The following IL15RA variants were observed in gnomAD, a reference collection of about 807,000 sequenced individuals.
IL15RA encodes the protein interleukin 15 receptor subunit alpha.
A neutral mutation model predicts 24.2 loss-of-function variants in IL15RA; 26 were observed. That is an observed-to-expected ratio of 1.07 (90% CI 0.79 to 1.49). The LOEUF (loss-of-function observed/expected upper bound fraction) is 1.49, where lower values mean the gene tolerates loss of function less well. Among genes scored for constraint, IL15RA ranks in the 40% most tolerant of loss-of-function variants. IL15RA has a pLI of 0.00. For missense variants in IL15RA, 354 were observed against 356.4 expected, an observed-to-expected ratio of 0.99 and a Z score of 0.05; for synonymous variants, 166 against 157.6, an observed-to-expected ratio of 1.05 and a Z score of -0.40.
At position 5,975,397 on chromosome 10, in the gene IL15RA, G is replaced by A. The variant is rs556765893; in HGVS notation, c.88+2008C>T. Among the ~76,000 whole-genome samples, 17 of 152,054 alleles carry A rather than the reference G, an allele frequency of 1.1e-4. No individual in the cohort carries two copies. Among genetic ancestry groups the A allele is most frequent in the Non-Finnish European group, 2.2e-4 (15 of 68,022 alleles). Reference sequence around the variant, plus strand: ...TTTAGAAAGTGCATCAAATTGCCTGGGAGATGGGCGAGGTGGGAGATGAGG... The same window carrying A: ...TTTAGAAAGTGCATCAAATTGCCTGAGAGATGGGCGAGGTGGGAGATGAGG... On this transcript the variant is annotated intron_variant, in intron 1 of 6. Transcript: ENST00000379977. The surrounding 1 kb of genome is among the most constrained non-coding windows in gnomAD (Gnocchi z 4.8).
In IL15RA at chr10:5,956,449, T is replaced by G; in HGVS notation, c.622A>C (p.Ile208Leu). The G allele has an allele frequency of 1.2e-6, 2 of 1,613,160 alleles. No homozygotes were observed. The highest frequency in any genetic ancestry group is 2.2e-5 in the South Asian group (2 of 91,068). Residue 208 changes from isoleucine (I) to leucine (L), a missense_variant, in exon 6 of 7, where the codon ATC (isoleucine) becomes CTC (leucine). Physicochemically the swap from Ile to Leu is conservative, Grantham distance 5. Transcript: ENST00000379977. ...PQGHSDTTVA[I>L]STSTVLLCGL... Reference sequence around the variant, plus strand: ...CACAGCAGGACAGTGGACGTGGAGATAGCCACTGAAAGGGAGGAGACCACG... The same window carrying G: ...CACAGCAGGACAGTGGACGTGGAGAGAGCCACTGAAAGGGAGGAGACCACG...
intron 5 of IL15RA, among the ~76,000 whole-genome samples, chr10:5,957,693 A>G (rs1202560038): frequency 3.5e-5 from 5 of 144,650 alleles, no homozygotes; most frequent in African/African-American, 5.2e-5. Flanking sequence ...CCAGGTTCAA[A>G]CGATTCTCCT....
At chr10:5,949,501 G>A (rs1177369114), downstream of IL15RA, among the ~76,000 whole-genome samples, 1 of 152,126 alleles carries the variant, frequency 6.6e-6, no homozygotes, top group Non-Finnish European at 1.5e-5. This position sits in a 1 kb window ranked among gnomAD's most constrained non-coding sequence, Gnocchi z 4.4. Flanking sequence ...CACAGCCCTG[G>A]GGTGAGACAA....
rs769202388 is a variant in IL15RA at position 5,960,618 on chromosome 10, T to C, written c.383-51A>G. On this transcript the variant is annotated intron_variant, in intron 3 of 6. Transcript: ENST00000379977. This position sits in a 1 kb window ranked among gnomAD's most constrained non-coding sequence, Gnocchi z 5.1. The stretch of plus-strand genomic sequence containing the variant: ...AACATCAGTGTGCAGACTCCCCTCC[T>C]CTCAGCTGCAGCACGGGGTGATGTG... 10 of 1,497,930 alleles carry C rather than the reference T, an allele frequency of 6.7e-6. No homozygotes were observed. In the African/African-American group the frequency reaches 1.4e-4, roughly 21 times the overall value. The allele number at this position is 1,497,930 out of a possible 1,614,324, so 92.8% of individuals were successfully genotyped here. A position where few individuals can be genotyped will look rare whatever the true frequency, so the allele number is the denominator to read the frequency against.
In IL15RA at chr10:5,961,456, G is replaced by A. The variant is rs549137574; in HGVS notation, c.383-889C>T. 3.9e-5 allele frequency among the ~76,000 whole-genome samples: 6 copies of A among 152,272 alleles called. No individual in the cohort carries two copies. The highest frequency in any genetic ancestry group is 2.1e-4 in the South Asian group (1 of 4,828). On this transcript the variant is annotated intron_variant, in intron 3 of 6. Transcript: ENST00000379977. This position sits in a 1 kb window ranked among gnomAD's most constrained non-coding sequence, Gnocchi z 5.2. Reference sequence around the variant, plus strand: ...AGAAAAGGTGTCAAAGATCTGAGTCGTTCAGCTTGTTTACTAGAGAAGGCA... The same window carrying A: ...AGAAAAGGTGTCAAAGATCTGAGTCATTCAGCTTGTTTACTAGAGAAGGCA...
In IL15RA at chr10:5,961,994, G is replaced by C. The variant is rs576684735; in HGVS notation, c.383-1427C>G. Among the ~76,000 whole-genome samples, 3 of 152,300 alleles carry C rather than the reference G, an allele frequency of 2.0e-5. No homozygotes were observed. Among genetic ancestry groups the C allele is most frequent in the East Asian group, 3.9e-4 (2 of 5,190 alleles). Reference sequence around the variant, plus strand: ...CATCCTCAGCCAAGTGCCCACGGTCGTGCCAGCTCGGGTCAAAGGCTGCTG... The same window carrying C: ...CATCCTCAGCCAAGTGCCCACGGTCCTGCCAGCTCGGGTCAAAGGCTGCTG... On this transcript the variant is annotated intron_variant, in intron 3 of 6. Transcript: ENST00000379977. The surrounding 1 kb of genome is among the most constrained non-coding windows in gnomAD (Gnocchi z 5.2).
At position 5,968,800 on chromosome 10, in the gene IL15RA, G is replaced by A. The variant is rs1320412300; in HGVS notation, c.89-2461C>T. ...CCTGCTTGCTGCCTGCTTGTCCGATGGTGGTGGCACTGGGGGCAGTTTTCC... is the reference window on the plus strand; with the variant it reads ...CCTGCTTGCTGCCTGCTTGTCCGATAGTGGTGGCACTGGGGGCAGTTTTCC... On this transcript the variant is annotated intron_variant, in intron 1 of 6. Coordinates refer to ENST00000379977, the MANE Select transcript of IL15RA (RefSeq NM_002189.4). The surrounding 1 kb of genome is among the most constrained non-coding windows in gnomAD (Gnocchi z 5.4). 5.6e-6 allele frequency: 4 copies of A among 715,294 alleles called. No homozygotes were observed. The highest frequency in any genetic ancestry group is 2.0e-5 in the Admixed American group (1 of 49,994). 44.3% of individuals were successfully genotyped at this position (715,294 alleles called of 1,614,324 possible). A position where few individuals can be genotyped will look rare whatever the true frequency, so the allele number is the denominator to read the frequency against.
At chr10:5,974,390 C>T (rs1246343986) in intron 1 of IL15RA, among the ~76,000 whole-genome samples, 1 of 152,108 alleles carries the variant, frequency 6.6e-6, no homozygotes, top group Non-Finnish European at 1.5e-5. Context: ...ATAACATCAC[C>T]AGCTGTAGAA....
At chr10:5,950,544 G>T (rs998762254), downstream of IL15RA, among the ~76,000 whole-genome samples, 1 of 152,154 alleles carries the variant, frequency 6.6e-6, no homozygotes, top group Admixed American at 6.5e-5. The surrounding 1 kb of genome is among the most constrained non-coding windows in gnomAD (Gnocchi z 5.6). Flanking sequence ...CTTCCTGATG[G>T]CCCTGAAAGG....
At chr10:5,950,095 C>CAA (rs3085932), downstream of IL15RA, among the ~76,000 whole-genome samples, 11,909 of 149,836 alleles carry the variant, frequency 0.079, 833 homozygotes, top group African/African-American at 0.19. This position sits in a 1 kb window ranked among gnomAD's most constrained non-coding sequence, Gnocchi z 5.6. Flanking sequence ...GACTCTGTCT[C>CAA]AAAAAAAAAG....
At position 5,960,257 on chromosome 10, in the gene IL15RA, A is replaced by G. The variant is rs1414448875; in HGVS notation, c.583+110T>C. On this transcript the variant is annotated intron_variant, in intron 4 of 6. Transcript: ENST00000379977. This position sits in a 1 kb window ranked among gnomAD's most constrained non-coding sequence, Gnocchi z 5.1. ...GCCGGGGCCAGCAGGCTGCCCAGTG[A>G]ATCCTGACTTTGGATTGATGGTATA... is the stretch of plus-strand genomic sequence containing the variant. 9.6e-7 allele frequency: 1 copy of G among 1,036,858 alleles called. No homozygotes were observed. The highest frequency in any genetic ancestry group is 2.4e-5 in the East Asian group (1 of 42,012). 64.2% of individuals were successfully genotyped at this position (1,036,858 alleles called of 1,614,324 possible).
Position 5,966,525 on chromosome 10 carries a change from C to G in IL15RA, c.89-186G>C, listed in dbSNP as rs966823245. On this transcript the variant is annotated intron_variant, in intron 1 of 6. Coordinates refer to ENST00000379977, the MANE Select transcript of IL15RA (RefSeq NM_002189.4). The surrounding 1 kb of genome is among the most constrained non-coding windows in gnomAD (Gnocchi z 6.4). ...TCACCCAGAAGCCTTCCTGGAGCCT[C>G]GCCTGAAGTGCCAGTCAGCCAGCAA... Among the ~76,000 whole-genome samples the G allele has an allele frequency of 6.6e-6, 1 of 152,088 alleles. No individual in the cohort carries two copies. Among genetic ancestry groups the G allele is most frequent in the African/African-American group, 2.4e-5 (1 of 41,386 alleles).
At chr10:5,951,772 C>G (rs934495650), downstream of IL15RA, among the ~76,000 whole-genome samples, 6 of 152,160 alleles carry the variant, frequency 3.9e-5, no homozygotes, top group Admixed American at 1.3e-4. Context: ...CTGCAGTGAG[C>G]TGAGATCTCG....
chr10:5,952,936 G>A lies in IL15RA; in HGVS notation c.*159C>T, dbSNP rs1199383934. On this transcript the variant is annotated 3_prime_UTR_variant, in exon 7 of 7. Coordinates refer to ENST00000379977, the MANE Select transcript of IL15RA (RefSeq NM_002189.4). ...GGAGAACCTGCTCCCTCGCGCAGGA[G>A]GCGCCGACCCGGCAGTCCGTGAGAT... 36 of 638,460 alleles carry A rather than the reference G, an allele frequency of 5.6e-5. No homozygotes were observed. Among genetic ancestry groups the A allele is most frequent in the Non-Finnish European group, 2.8e-5 (10 of 356,654 alleles). 39.5% of individuals were successfully genotyped at this position (638,460 alleles called of 1,614,324 possible). A position where few individuals can be genotyped will look rare whatever the true frequency, so the allele number is the denominator to read the frequency against.
chr10:5,960,974 C>T lies in IL15RA; in HGVS notation c.383-407G>A, dbSNP rs551674815. Among the ~76,000 whole-genome samples, 11 of 152,098 alleles carry T rather than the reference C, an allele frequency of 7.2e-5. No homozygotes were observed. Among genetic ancestry groups the T allele is most frequent in the African/African-American group, 2.2e-4 (9 of 41,476 alleles). ...TGTTGCCAAGGTTGGAGTGCAGTGG[C>T]GCGATCTCAGCTCACTGCAACCTCT... On this transcript the variant is annotated intron_variant, in intron 3 of 6. Transcript: ENST00000379977. This position sits in a 1 kb window ranked among gnomAD's most constrained non-coding sequence, Gnocchi z 5.1.
chr10:5,977,131 C>T (rs1407733731), intron 1 of IL15RA: 2 of 314,106 alleles, frequency 6.4e-6, no homozygotes, highest in Non-Finnish European at 1.2e-5. Flanking sequence ...CTGCTCCTGA[C>T]CTCGGCCTCG....
At chr10:5,978,327 G>A (rs1032363168), upstream of IL15RA, 6 of 152,560 alleles carry the variant, frequency 3.9e-5, no homozygotes, top group African/African-American at 1.4e-4. This position sits in a 1 kb window ranked among gnomAD's most constrained non-coding sequence, Gnocchi z 5.2. Flanking sequence ...TGGCTGGTGG[G>A]TTTTTTTCTT....
Position 5,955,540 on chromosome 10 carries a change from A to G in IL15RA, c.692+839T>C, listed in dbSNP as rs1834394025. Among the ~76,000 whole-genome samples the G allele has an allele frequency of 6.6e-6, 1 of 152,248 alleles. No individual in the cohort carries two copies. The highest frequency in any genetic ancestry group is 1.5e-5 in the Non-Finnish European group (1 of 68,040). ...GGAATACTGGTTACTAATTGATAGA[A>G]GTACAAAATGAAGGCTAGAATGCCA... On this transcript the variant is annotated intron_variant, in intron 6 of 6. Coordinates refer to ENST00000379977, the MANE Select transcript of IL15RA (RefSeq NM_002189.4). This position sits in a 1 kb window ranked among gnomAD's most constrained non-coding sequence, Gnocchi z 5.3.
At chr10:5,956,273 C>G (rs1275048070) in intron 6 of IL15RA, 106 bp downstream of exon 6, 3 of 875,206 alleles carry the variant, frequency 3.4e-6, no homozygotes, top group Non-Finnish European at 5.6e-6. Context: ...CCTTGGCCTC[C>G]CAAAGTGCTG....
Sources: allele counts gnomAD v4.1 joint callset (sites outside exome capture counted in the v4.1 genomes callset), GRCh38; gene constraint gnomAD v4.1.1; non-coding constraint Gnocchi (gnomAD v3.1); transcripts MANE v1.5; gene names NCBI Gene and HGNC (gene_info 2026-07-23, HGNC 2026-07-21).